DENND1A: variants seen among roughly 807,000 people sequenced by gnomAD.
DENND1A encodes DENN domain-containing protein 1A.
A neutral mutation model predicts 113.7 loss-of-function variants in DENND1A; 51 were observed. The observed-to-expected ratio is 0.45, with a 90% CI of 0.36 to 0.57. The LOEUF (loss-of-function observed/expected upper bound fraction) is 0.57, where lower values mean the gene tolerates loss of function less well. Ranked by LOEUF, DENND1A falls within the 20% of genes least tolerant of loss-of-function variation. DENND1A has a pLI of 0.00. For missense variants in DENND1A, 1,258 were observed against 1,395.9 expected, an observed-to-expected ratio of 0.90 and a Z score of 1.57; for synonymous variants, 565 against 570.8, an observed-to-expected ratio of 0.99 and a Z score of 0.14.
At chr9:123,472,635 G>A (rs1318174710) in intron 13 of DENND1A, among the ~76,000 whole-genome samples, 1 of 152,138 alleles carries the variant, frequency 6.6e-6, no homozygotes, top group Non-Finnish European at 1.5e-5. Flanking sequence ...TTCACTCAGG[G>A]CCCCTTGTCC....
At chr9:123,767,101 G>A (rs185751862) in intron 4 of DENND1A, among the ~76,000 whole-genome samples, 3 of 152,108 alleles carry the variant, frequency 2.0e-5, no homozygotes, top group Admixed American at 1.3e-4. Context: ...TCAGAATCTG[G>A]GGATATCCAT....
At chr9:123,717,344 CGTATA>C (rs2067041025) in intron 5 of DENND1A, among the ~76,000 whole-genome samples, 1 of 152,012 alleles carries the variant, frequency 6.6e-6, no homozygotes, top group Non-Finnish European at 1.5e-5. Context: ...CTAGGAGATA[CGTATA>C]ATGTATGTGA....
chr9:123,568,350 T>A (rs1258645181), intron 12 of DENND1A, among the ~76,000 whole-genome samples: 5 of 152,224 alleles, frequency 3.3e-5, no homozygotes, highest in Non-Finnish European at 5.9e-5. Flanking sequence ...TTTGCAGGAT[T>A]CTTATGTAGA....
chr9:123,719,540 C>A (rs769416505), intron 5 of DENND1A, among the ~76,000 whole-genome samples: 1 of 152,138 alleles, frequency 6.6e-6, no homozygotes, highest in Non-Finnish European at 1.5e-5. Flanking sequence ...TATTAATCCT[C>A]GTTTTAAAGA....
chr9:123,721,560 T>G (rs1589806834), intron 5 of DENND1A, among the ~76,000 whole-genome samples: 3 of 152,214 alleles, frequency 2.0e-5, no homozygotes, highest in Admixed American at 2.0e-4. Flanking sequence ...ATCTCATTTT[T>G]AATTTTAACT....
intron 5 of DENND1A, among the ~76,000 whole-genome samples, chr9:123,677,660 C>T (rs1290237039): frequency 6.6e-6 from 1 of 152,202 alleles, no homozygotes; most frequent in African/African-American, 2.4e-5. Flanking sequence ...TCTCGAACTC[C>T]TGAACTCAGG....
intron 11 of DENND1A, among the ~76,000 whole-genome samples, chr9:123,590,679 G>T (rs1227040267): frequency 6.6e-6 from 1 of 152,180 alleles, no homozygotes; most frequent in Non-Finnish European, 1.5e-5. Context: ...GTGGTTTCAT[G>T]ATCGTATAAA....
At chr9:123,726,725 T>C (rs528660779) in intron 5 of DENND1A, among the ~76,000 whole-genome samples, 1 of 152,312 alleles carries the variant, frequency 6.6e-6, no homozygotes, top group East Asian at 1.9e-4. Flanking sequence ...ATCTTAAATA[T>C]GGATTTTTAG....
intron 5 of DENND1A, among the ~76,000 whole-genome samples, chr9:123,711,175 T>C (rs1168202305): frequency 6.6e-6 from 1 of 151,742 alleles, no homozygotes; most frequent in African/African-American, 2.4e-5. Flanking sequence ...AATTAAAAAA[T>C]ATATAGAGGC....
intron 13 of DENND1A, among the ~76,000 whole-genome samples, chr9:123,545,243 AGGG>A (rs1350322348): frequency 5.9e-5 from 9 of 152,144 alleles, no homozygotes; most frequent in African/African-American, 1.7e-4. Context: ...TTCTTGTGGA[AGGG>A]TAGCCTAAGC....
intron 4 of DENND1A, among the ~76,000 whole-genome samples, chr9:123,763,911 A>G (rs939936215): frequency 1.3e-5 from 2 of 152,172 alleles, no homozygotes; most frequent in Non-Finnish European, 2.9e-5. Flanking sequence ...AAGTGTGTAG[A>G]TAACTCGTTC....
At chr9:123,752,581 C>T (rs1326090258) in intron 5 of DENND1A, among the ~76,000 whole-genome samples, 1 of 152,120 alleles carries the variant, frequency 6.6e-6, no homozygotes, top group Non-Finnish European at 1.5e-5. Flanking sequence ...CCCCATAACC[C>T]TCAAACACAA....
At chr9:123,438,936 C>A (rs1443940784) in intron 19 of DENND1A, among the ~76,000 whole-genome samples, 1 of 152,218 alleles carries the variant, frequency 6.6e-6, no homozygotes, top group Non-Finnish European at 1.5e-5. Context: ...CTCTCCCCCG[C>A]CCCCTCTTTC....
chr9:123,382,222 G>A lies in DENND1A; in HGVS notation c.2423C>T (p.Ala808Val). ...ACCAGGCAGGAGCCCTGGACTCAGG[G>A]CAGCTCGCCTGTCCCGATCCGTCTG... The part of the protein sequence containing the change: ...RLQTDRDRRA[A>V]LSPGLLPGVV... Residue 808 changes from alanine (A) to valine (V), a missense_variant, in exon 24 of 24, where the codon GCC becomes GTC. Physicochemically the swap from Ala to Val is moderately conservative, Grantham distance 64 (BLOSUM62 0). Transcript: ENST00000394215. 1 of 1,609,432 alleles carries A rather than the reference G, an allele frequency of 6.2e-7. No homozygotes were observed. The highest frequency in any genetic ancestry group is 2.2e-5 in the East Asian group (1 of 44,816).
chr9:123,511,177 A>G (rs1352651002), intron 13 of DENND1A, among the ~76,000 whole-genome samples: 3 of 152,162 alleles, frequency 2.0e-5, no homozygotes, highest in African/African-American at 2.4e-5. Flanking sequence ...GACTTCTGCC[A>G]TGCTTCCACA....
At chr9:123,646,879 A>G (rs1362697641) in intron 9 of DENND1A, among the ~76,000 whole-genome samples, 2 of 152,110 alleles carry the variant, frequency 1.3e-5, no homozygotes, top group Admixed American at 6.5e-5. Flanking sequence ...CCACAAAGGG[A>G]ATGCAGAGTC....
intron 10 of DENND1A, among the ~76,000 whole-genome samples, chr9:123,621,828 G>A (rs1199387789): frequency 1.3e-5 from 2 of 152,178 alleles, no homozygotes; most frequent in Non-Finnish European, 1.5e-5. Flanking sequence ...GATTGGAATC[G>A]ACGCAGATCT....
chr9:123,520,440 C>T (rs193121124), intron 13 of DENND1A, among the ~76,000 whole-genome samples: 71 of 152,238 alleles, frequency 4.7e-4, no homozygotes, highest in African/African-American at 1.3e-3. Context: ...CCAACAACAG[C>T]GAGACTCCAT....
intron 3 of DENND1A, among the ~76,000 whole-genome samples, chr9:123,791,523 C>G (rs1018625067): frequency 1.3e-5 from 2 of 152,084 alleles, no homozygotes; most frequent in African/African-American, 4.8e-5. Flanking sequence ...ACTATAAGAT[C>G]TCATTACAAA....
Sources: gnomAD v4.1 joint callset for allele counts (sites outside exome capture counted in the v4.1 genomes callset) on GRCh38, gnomAD v4.1.1 for gene constraint, MANE v1.5 for transcripts, NCBI Gene and HGNC (gene_info 2026-07-23, HGNC 2026-07-21) for gene names.